The following ZMYM4 variants were observed in gnomAD, a reference collection of about 807,000 sequenced individuals.
ZMYM4 encodes zinc finger MYM-type containing 4.
A neutral mutation model predicts 183.2 loss-of-function variants in ZMYM4; 31 were observed. The ratio of observed to expected loss-of-function variants is 0.17; its 90% confidence interval spans 0.13 to 0.23. The LOEUF is 0.23. Among genes scored for constraint, ZMYM4 ranks in the 10% least tolerant of loss-of-function variants. The pLI is 1.00. For synonymous variants in ZMYM4, 592 were observed against 631.2 expected (o/e 0.94, Z 0.93); for missense variants, 1,273 against 1,840.3 (o/e 0.69, Z 5.64).
intron 1 of ZMYM4, among the ~76,000 whole-genome samples, chr1:35,280,281 CCTCT>C (rs1372928029): frequency 1.4e-5 from 2 of 141,354 alleles, no homozygotes; most frequent in African/African-American, 2.6e-5. Flanking sequence ...TCTCTCTCTC[CCTCT>C]CTCTCTCTTC....
In ZMYM4 at chr1:35,336,178, A is replaced by G. The variant is rs574402117; in HGVS notation, c.85+10773A>G. On this transcript the variant is annotated intron_variant, in intron 2 of 29. Transcript: ENST00000314607. ...GTAGTAACTGTGTGTACGTTAGCAT[A>G]TCCTCAAGGTTCATCATGTTGTACC... 7.2e-5 allele frequency among the ~76,000 whole-genome samples: 11 copies of G among 152,292 alleles called. No individual in the cohort carries two copies. The South Asian group carries it at 2.3e-3, about 32-fold the overall frequency.
chr1:35,367,203 C>T lies in ZMYM4; in HGVS notation c.841-2826C>T, dbSNP rs1209432323. Reference sequence around the variant, plus strand: ...TGGCAAATGCTGTTAAATGGTTGAACATCATACAATTAATTAATTTTTTTT... The same window carrying T: ...TGGCAAATGCTGTTAAATGGTTGAATATCATACAATTAATTAATTTTTTTT... On this transcript the variant is annotated intron_variant, in intron 5 of 29. Transcript: ENST00000314607. Among the ~76,000 whole-genome samples, 3 of 151,742 alleles carry T rather than the reference C, an allele frequency of 2.0e-5. No individual in the cohort carries two copies. The East Asian group carries it at 5.8e-4, about 29-fold the overall frequency.
At chr1:35,303,438 C>T (rs980102769) in intron 1 of ZMYM4, among the ~76,000 whole-genome samples, 2 of 151,900 alleles carry the variant, frequency 1.3e-5, no homozygotes, top group African/African-American at 2.4e-5. Flanking sequence ...GTTTTTGAGA[C>T]GGAGTCACCC....
At chr1:35,410,603 G>A (rs1054011303) in intron 26 of ZMYM4, among the ~76,000 whole-genome samples, 6 of 150,938 alleles carry the variant, frequency 4.0e-5, no homozygotes, top group Admixed American at 2.6e-4. Flanking sequence ...ATTTTCCTGC[G>A]TCAGCCTCCC....
chr1:35,393,046 A>C (rs1644739679), intron 17 of ZMYM4, among the ~76,000 whole-genome samples: 1 of 152,210 alleles, frequency 6.6e-6, no homozygotes, highest in South Asian at 2.1e-4. Context: ...TACAGATTAT[A>C]CTGTAAAAAA....
chr1:35,283,184 T>C (rs1640278798), intron 1 of ZMYM4, among the ~76,000 whole-genome samples: 1 of 149,122 alleles, frequency 6.7e-6, no homozygotes. Flanking sequence ...TTTTTTTTTT[T>C]TTGTACTTTT....
At chr1:35,323,225 C>T (rs1642363170) in intron 1 of ZMYM4, among the ~76,000 whole-genome samples, 1 of 152,116 alleles carries the variant, frequency 6.6e-6, no homozygotes, top group Admixed American at 6.5e-5. Context: ...TGGTCTTGAA[C>T]TCCTGACTTC....
At chr1:35,383,033 CTTATCT>C (rs2148969619) in intron 9 of ZMYM4, among the ~76,000 whole-genome samples, 1 of 152,138 alleles carries the variant, frequency 6.6e-6, no homozygotes, top group East Asian at 1.9e-4. Flanking sequence ...AGGGATTTTT[CTTATCT>C]TTATGAAATA....
At chr1:35,274,197 A>G (rs1284736932) in intron 1 of ZMYM4, among the ~76,000 whole-genome samples, 3 of 152,230 alleles carry the variant, frequency 2.0e-5, no homozygotes, top group Non-Finnish European at 4.4e-5. Context: ...ATTTGCTTTT[A>G]GAAAGTATTG....
At chr1:35,269,387 G>A (rs1168009940) in intron 1 of ZMYM4, among the ~76,000 whole-genome samples, 1 of 25,904 alleles carries the variant, frequency 3.9e-5, no homozygotes, top group African/African-American at 5.3e-5. Flanking sequence ...AGATTCTTAA[G>A]TGCATCTTTA....
intron 1 of ZMYM4, among the ~76,000 whole-genome samples, chr1:35,280,086 TTTC>T (rs941012173): frequency 8.5e-5 from 13 of 152,078 alleles, no homozygotes; most frequent in African/African-American, 3.1e-4. Flanking sequence ...TACATTTTTT[TTTC>T]TCTCTTTCTC....
At chr1:35,392,716 C>T in intron 17 of ZMYM4, 32 bp downstream of exon 17, 2 of 1,554,866 alleles carry the variant, frequency 1.3e-6, no homozygotes, top group Non-Finnish European at 1.7e-6. Flanking sequence ...GGTATTGTCA[C>T]TGTATTTATT....
intron 2 of ZMYM4, among the ~76,000 whole-genome samples, chr1:35,340,285 A>C (rs573167883): frequency 6.6e-6 from 1 of 152,114 alleles, no homozygotes; most frequent in Non-Finnish European, 1.5e-5. Flanking sequence ...TCTGTAAAGT[A>C]GCAGTCCCCA....
intron 2 of ZMYM4, among the ~76,000 whole-genome samples, chr1:35,348,377 T>C (rs533527462): frequency 6.6e-6 from 1 of 152,368 alleles, no homozygotes; most frequent in Admixed American, 6.5e-5. Flanking sequence ...TTTCTGTGTG[T>C]ACACAAACAT....
intron 1 of ZMYM4, among the ~76,000 whole-genome samples, chr1:35,283,179 T>TTC (rs112237730): frequency 0.11 from 16,563 of 147,152 alleles, 2,455 homozygotes; most frequent in East Asian, 0.69. Flanking sequence ...CTAATTTTTT[T>TTC]TTTTTTTGTA....
intron 7 of ZMYM4, among the ~76,000 whole-genome samples, chr1:35,380,891 G>A (rs1484615574): frequency 6.6e-6 from 1 of 152,096 alleles, no homozygotes; most frequent in Non-Finnish European, 1.5e-5. Flanking sequence ...AATGTTAAAT[G>A]TAATACAGTA....
intron 7 of ZMYM4, among the ~76,000 whole-genome samples, chr1:35,375,599 G>C (rs1454316335): frequency 1.3e-5 from 2 of 152,188 alleles, no homozygotes; most frequent in Non-Finnish European, 2.9e-5. Context: ...TATACCAGTA[G>C]AAATATAACA....
chr1:35,347,155 G>A (rs551736996), intron 2 of ZMYM4, among the ~76,000 whole-genome samples: 2 of 152,188 alleles, frequency 1.3e-5, no homozygotes, highest in African/African-American at 2.4e-5. Flanking sequence ...ACAGGCGCAC[G>A]CCACCACACC....
intron 9 of ZMYM4, among the ~76,000 whole-genome samples, chr1:35,382,260 GTA>G (rs1644479468): frequency 6.7e-6 from 1 of 148,978 alleles, no homozygotes; most frequent in Non-Finnish European, 1.5e-5. Context: ...ATGTAAATAT[GTA>G]TGTGTATATA....
Sources: gnomAD v4.1 joint callset for allele counts (sites outside exome capture counted in the v4.1 genomes callset) on GRCh38, gnomAD v4.1.1 for gene constraint, MANE v1.5 for transcripts, NCBI Gene and HGNC (gene_info 2026-07-23, HGNC 2026-07-21) for gene names.